Variants in MADD observed in about 807,000 individuals in gnomAD.
MADD encodes MAP kinase-activating death domain protein.
A neutral mutation model predicts 176.7 loss-of-function variants in MADD; 109 were observed. The observed-to-expected ratio is 0.62, with a 90% CI of 0.53 to 0.72. The LOEUF (loss-of-function observed/expected upper bound fraction) is 0.72, where lower values mean the gene tolerates loss of function less well. MADD is among the 30% of genes least tolerant of loss of function. MADD has a pLI of 0.00. For synonymous variants in MADD, 771 were observed against 771.3 expected, an observed-to-expected ratio of 1.00 and a Z score of 0.01; for missense variants, 1,914 against 2,045.5, an observed-to-expected ratio of 0.94 and a Z score of 1.24.
At position 47,290,064 on chromosome 11, in the gene MADD, G is replaced by A. The variant is rs773424790; in HGVS notation, c.2943+11G>A. Reference sequence around the variant, plus strand: ...ATCATCCCGGATGTGGTCAGTGTTGGGGGTAGGGAATCGGAGTAACTGGAG... The same window carrying A: ...ATCATCCCGGATGTGGTCAGTGTTGAGGGTAGGGAATCGGAGTAACTGGAG... On this transcript the variant is annotated intron_variant, in intron 17 of 32. Transcript: ENST00000402192. 7 of 1,613,298 alleles carry A rather than the reference G, an allele frequency of 4.3e-6. No homozygotes were observed. In the Admixed American group the frequency reaches 1.2e-4, roughly 27 times the overall value.
intron 22 of MADD, among the ~76,000 whole-genome samples, chr11:47,297,835 C>G (rs2074240193): frequency 7.1e-6 from 1 of 141,698 alleles, no homozygotes; most frequent in African/African-American, 2.7e-5. Flanking sequence ...GTCGCCCAGG[C>G]TGGAGTGCAG....
At chr11:47,290,090 A>G in intron 17 of MADD, 37 bp downstream of exon 18, 1 of 1,612,444 alleles carries the variant, frequency 6.2e-7, no homozygotes. Context: ...GTAACTGGAG[A>G]GAGGGATGTG....
rs760429681 is a variant in MADD, at chr11:47,289,466, C to G, written c.2729C>G (p.Ser910Ter). The G allele has an allele frequency of 6.2e-7, 1 of 1,614,038 alleles. No homozygotes were observed. Among genetic ancestry groups the G allele is most frequent in the Non-Finnish European group, 8.5e-7 (1 of 1,180,014 alleles). ...CCAACAGTGAAAAGAGAACCTCCAT[C>G]ACCCCAGGGTCGATCCAGCAATTCT... Residue 910 changes from serine (S) to a stop codon, truncating the protein, a stop_gained, in exon 16 of 33, where the codon TCA (serine) becomes TGA (stop). Coordinates refer to ENST00000402192, the Ensembl canonical transcript of MADD. LOFTEE classifies it high-confidence loss of function.
intron 23 of MADD, chr11:47,308,988 A>G: frequency 6.2e-7 from 1 of 1,614,066 alleles, no homozygotes; most frequent in Non-Finnish European, 8.5e-7. Flanking sequence ...AGGAAGGGAC[A>G]AAGGATCCAT....
chr11:47,323,927 A>G (rs2142095739), intron 28 of MADD, 92 bp downstream of exon 31: 1 of 1,372,856 alleles, frequency 7.3e-7, no homozygotes, highest in South Asian at 1.3e-5. Context: ...CAAAACACAC[A>G]TCTGGAGCCA....
At chr11:47,297,849 C>A (rs1332010531) in intron 22 of MADD, among the ~76,000 whole-genome samples, 2 of 132,704 alleles carry the variant, frequency 1.5e-5, no homozygotes, top group Non-Finnish European at 3.1e-5. Context: ...AGTGCAGTGG[C>A]GCGATCTCTG....
In MADD at chr11:47,285,079, C is replaced by T. The variant is rs35233100; in HGVS notation, c.2296C>T (p.Arg766Ter). 0.052 allele frequency: 83,959 copies of T among 1,614,010 alleles called. 2,579 individuals are homozygous for T. The highest frequency in any genetic ancestry group is 0.063 in the Non-Finnish European group (73,946 of 1,180,008). ...AATTGGAGAGGGGTCAGTGCGCCGG[C>T]GAATCTATGACAATCCATACTTCGA... is the stretch of plus-strand genomic sequence containing the variant. The change falls in exon 13 of 33, where the codon CGA becomes TGA. Residue 766 changes from arginine to a stop codon, truncating the protein, a stop_gained. Coordinates refer to ENST00000402192, the Ensembl canonical transcript of MADD. LOFTEE classifies it high-confidence loss of function.
At chr11:47,299,282 C>T (rs1017279294) in intron 22 of MADD, among the ~76,000 whole-genome samples, 12 of 151,946 alleles carry the variant, frequency 7.9e-5, no homozygotes, top group African/African-American at 2.9e-4. Context: ...TCACAATATT[C>T]GTCCAATCCA....
intron 9 of MADD, 23 bp from the exon 10 acceptor site, chr11:47,282,790 T>C: frequency 6.2e-7 from 1 of 1,607,888 alleles, no homozygotes; most frequent in Non-Finnish European, 8.5e-7. Context: ...GCTGACTTTC[T>C]GTTCTTTTCC....
chr11:47,277,157 C>T (rs533063380), intron 5 of MADD, among the ~76,000 whole-genome samples: 49 of 152,324 alleles, frequency 3.2e-4, no homozygotes, highest in African/African-American at 1.0e-3. Flanking sequence ...TTCCAAGACC[C>T]ACCAGTGGAT....
chr11:47,278,563 A>T (rs2052852332), intron 6 of MADD, among the ~76,000 whole-genome samples: 1 of 151,872 alleles, frequency 6.6e-6, no homozygotes, highest in African/African-American at 2.4e-5. Context: ...TCTGAGGGCC[A>T]TTACATGTGG....
intron 6 of MADD, among the ~76,000 whole-genome samples, chr11:47,278,678 A>C (rs1369388475): frequency 6.6e-6 from 1 of 152,194 alleles, no homozygotes; most frequent in Non-Finnish European, 1.5e-5. Flanking sequence ...ATGTGAATAC[A>C]TTCAGACTTT....
intron 20 of MADD, among the ~76,000 whole-genome samples, chr11:47,294,845 T>C (rs999926190): frequency 6.6e-6 from 1 of 152,044 alleles, no homozygotes. Flanking sequence ...CTACCTATAG[T>C]GTGACTCCAA....
At position 47,276,876 on chromosome 11, in the gene MADD, G is replaced by A. The variant is rs374960807; in HGVS notation, c.1095+13G>A. On this transcript the variant is annotated intron_variant, in intron 5 of 32. Coordinates refer to ENST00000402192, the Ensembl canonical transcript of MADD. ...ATCAGCAGAGCAGGTGAGTCTCAAGGCGACTTCCGGCTTTCTCACCTCTGT... is the reference window on the plus strand; with the variant it reads ...ATCAGCAGAGCAGGTGAGTCTCAAGACGACTTCCGGCTTTCTCACCTCTGT... The A allele has an allele frequency of 4.4e-5, 71 of 1,613,408 alleles. No individual in the cohort carries two copies. In the African/African-American group the frequency reaches 9.2e-4, roughly 21 times the overall value.
intron 3 of MADD, 52 bp downstream of exon 3, chr11:47,275,211 A>C: frequency 6.6e-7 from 1 of 1,513,054 alleles, no homozygotes; most frequent in Middle Eastern, 1.8e-4. Flanking sequence ...GATTCCATGT[A>C]ATTGGTCTTT....
At chr11:47,290,648 A>G in exon 19 of MADD, 1 of 1,614,056 alleles carries the variant, frequency 6.2e-7, no homozygotes, top group Non-Finnish European at 8.5e-7. Flanking sequence ...AGAAAGTGTA[A>G]ATACCCCAGT....
intron 10 of MADD, among the ~76,000 whole-genome samples, chr11:47,283,777 T>C (rs1164035613): frequency 1.3e-5 from 2 of 152,038 alleles, no homozygotes; most frequent in African/African-American, 2.4e-5. Flanking sequence ...TTCACCATGT[T>C]GGCCAGGCTG....
At chr11:47,319,544 A>G (rs573279137) in intron 27 of MADD, among the ~76,000 whole-genome samples, 63 of 152,298 alleles carry the variant, frequency 4.1e-4, no homozygotes, top group African/African-American at 1.5e-3. Context: ...TAAAAGTTTT[A>G]CTCACTGCCT....
exon 22 of MADD, chr11:47,295,923 T>C (rs1181340235): frequency 6.2e-7 from 1 of 1,613,968 alleles, no homozygotes; most frequent in Non-Finnish European, 8.5e-7. Flanking sequence ...GAGAGACCCT[T>C]GGAGCTGACA....
Sources: allele counts gnomAD v4.1 joint callset (sites outside exome capture counted in the v4.1 genomes callset), GRCh38; gene constraint gnomAD v4.1.1; transcripts MANE v1.5; gene names NCBI Gene and HGNC (gene_info 2026-07-23, HGNC 2026-07-21).